Variants in PRPF39 observed in about 807,000 individuals in gnomAD.
PRPF39 encodes the protein pre-mRNA processing factor 39.
PRPF39 carries 27 observed loss-of-function variants against 82.1 expected under a neutral mutation model. The observed-to-expected ratio is 0.33, with a 90% CI of 0.24 to 0.45. PRPF39 has a LOEUF of 0.45. Ranked by LOEUF, PRPF39 falls within the 20% of genes least tolerant of loss-of-function variation. PRPF39 has a pLI of 1.00. For missense variants in PRPF39, 581 were observed against 796.9 expected (o/e 0.73, Z 3.26); for synonymous variants, 261 against 256.4 (o/e 1.02, Z -0.17).
chr14:45,084,180 G>C lies in PRPF39; in HGVS notation c.-89G>C, dbSNP rs2139026793. ...CTGTGCTGGCTGTGGGGACGGAGGC[G>C]GTGAAGTGCCATCTTCGGCTAGGTC... is the stretch of plus-strand genomic sequence containing the variant. On this transcript the variant is annotated 5_prime_UTR_variant, in exon 1 of 14. Coordinates refer to ENST00000355765, the MANE Select transcript of PRPF39 (RefSeq NM_017922.4). The C allele has an allele frequency of 6.5e-6, 1 of 153,524 alleles. No individual in the cohort carries two copies. The highest frequency in any genetic ancestry group is 1.9e-4 in the East Asian group (1 of 5,220). The allele number at this position is 153,524 out of a possible 1,614,324, so 9.5% of individuals were successfully genotyped here. A position where few individuals can be genotyped will look rare whatever the true frequency, so the allele number is the denominator to read the frequency against.
chr14:45,096,541 C>T (rs1032669749), intron 3 of PRPF39: 1 of 1,430,628 alleles, frequency 7.0e-7, no homozygotes, highest in African/African-American at 1.4e-5. Flanking sequence ...ATTTTCCAAA[C>T]AATATAGTTG....
chr14:45,112,227 C>T, intron 10 of PRPF39, 91 bp from the exon 11 acceptor site: 1 of 1,099,824 alleles, frequency 9.1e-7, no homozygotes. Flanking sequence ...AATATTTTTT[C>T]AAATTGAGAC....
At position 45,115,288 on chromosome 14, in the gene PRPF39, CTCCT is replaced by C. The variant is rs1468107246; in HGVS notation, c.*377_*380del. ...AAACACATAAGGGCTGGTTATTTAC[CTCCT>C]TTTTTTTTTTTTTTTTTAAAGAAAA... On this transcript the variant is annotated 3_prime_UTR_variant, in exon 14 of 14. Coordinates refer to ENST00000355765, the MANE Select transcript of PRPF39 (RefSeq NM_017922.4). The C allele has an allele frequency of 6.8e-6, 1 of 146,564 alleles. No individual in the cohort carries two copies. Among genetic ancestry groups the C allele is most frequent in the African/African-American group, 2.6e-5 (1 of 37,992 alleles). 9.1% of individuals were successfully genotyped at this position (146,564 alleles called of 1,614,324 possible).
chr14:45,107,716 G>A lies in PRPF39; in HGVS notation c.903+100G>A, dbSNP rs960500098. On this transcript the variant is annotated intron_variant, in intron 6 of 13. Coordinates refer to ENST00000355765, the MANE Select transcript of PRPF39 (RefSeq NM_017922.4). ...GGCCAAGGTAGGCGGGTCACCTGAG[G>A]TCCGGAGTTTGAGACCCATGTAGGC... is the stretch of plus-strand genomic sequence containing the variant. 8.0e-6 allele frequency: 10 copies of A among 1,242,760 alleles called. No homozygotes were observed. The African/African-American group carries it at 1.4e-4, about 17-fold the overall frequency. 77.0% of individuals were successfully genotyped at this position (1,242,760 alleles called of 1,614,324 possible).
intron 3 of PRPF39, 88 bp downstream of exon 3, chr14:45,096,316 T>G (rs76710671): frequency 2.1e-6 from 3 of 1,427,160 alleles, no homozygotes; most frequent in Non-Finnish European, 2.8e-6. Flanking sequence ...TTTTTTTTTT[T>G]GGCTGGCAGT....
Position 45,114,241 on chromosome 14 carries a change from A to C in PRPF39, c.1816A>C (p.Arg606=). The change falls in exon 12 of 14, where the codon AGG becomes CGG. Residue 606 remains arginine, a synonymous_variant. Coordinates refer to ENST00000355765, the MANE Select transcript of PRPF39 (RefSeq NM_017922.4). Reference sequence around the variant, plus strand: ...CCTGAAAGAACAGGATTCTTTAAAAAGGAAAGCAGAAAATGGGTATGTCAC... The same window carrying C: ...CCTGAAAGAACAGGATTCTTTAAAACGGAAAGCAGAAAATGGGTATGTCAC... The part of the protein sequence containing the change: ...TLLKEQDSLK[R]KAENGSEEPE... 1 of 1,599,838 alleles carries C rather than the reference A, an allele frequency of 6.3e-7. No homozygotes were observed. Among genetic ancestry groups the C allele is most frequent in the Non-Finnish European group, 8.5e-7 (1 of 1,169,590 alleles).
In PRPF39 at chr14:45,095,346, T is replaced by G; in HGVS notation, c.107T>G (p.Met36Arg). ...EHPTDFSTEI[M>R]NVTEMEQSPD... ...CCTACTGATTTCAGTACTGAGATTA[T>G]GAACGTTACAGAAATGGAACAGTCA... Residue 36 changes from methionine to arginine, a missense_variant, in exon 2 of 14, where the codon ATG becomes AGG. By Grantham distance (91) the Met-to-Arg change is moderately conservative (BLOSUM62 -1). Transcript: ENST00000355765. 6.2e-7 allele frequency: 1 copy of G among 1,613,696 alleles called. No homozygotes were observed. Among genetic ancestry groups the G allele is most frequent in the African/African-American group, 1.3e-5 (1 of 75,038 alleles).
intron 4 of PRPF39, among the ~76,000 whole-genome samples, chr14:45,102,264 T>C (rs577778311): frequency 4.9e-4 from 74 of 152,362 alleles, no homozygotes; most frequent in Non-Finnish European, 7.2e-4. Flanking sequence ...TACTCTTACC[T>C]ATTTGCAATG....
chr14:45,106,911 G>C (rs1239588413), intron 5 of PRPF39, among the ~76,000 whole-genome samples: 1 of 152,056 alleles, frequency 6.6e-6, no homozygotes, highest in African/African-American at 2.4e-5. Context: ...ATCTTAATTG[G>C]GCAGTTTCAT....
At chr14:45,090,054 AG>A (rs1235281489) in intron 1 of PRPF39, among the ~76,000 whole-genome samples, 1 of 152,250 alleles carries the variant, frequency 6.6e-6, no homozygotes, top group African/African-American at 2.4e-5. Context: ...AAATTAGAAT[AG>A]GGTAGCTAGT....
intron 2 of PRPF39, chr14:45,095,858 T>C (rs1308594676): frequency 6.4e-6 from 3 of 467,916 alleles, no homozygotes; most frequent in Admixed American, 8.0e-5. Context: ...CAATTGCGTT[T>C]AGAAGAAAAA....
intron 3 of PRPF39, 88 bp downstream of exon 3, chr14:45,096,316 T>TTTTG: frequency 1.4e-6 from 2 of 1,427,160 alleles, no homozygotes; most frequent in South Asian, 1.4e-5. Flanking sequence ...TTTTTTTTTT[T>TTTTG]GGCTGGCAGT....
Position 45,115,211 on chromosome 14 carries a change from G to A in PRPF39, c.*298G>A. The A allele has an allele frequency of 1.1e-5, 2 of 188,674 alleles. No homozygotes were observed. Among genetic ancestry groups the A allele is most frequent in the Non-Finnish European group, 2.2e-5 (2 of 91,402 alleles). The allele number at this position is 188,674 out of a possible 1,614,324, so 11.7% of individuals were successfully genotyped here. ...CAACAGAATTTTGTAGCCTTAAGGG[G>A]TAGGAAGAAAAACCTGACTGCAAAT... On this transcript the variant is annotated 3_prime_UTR_variant, in exon 14 of 14. Coordinates refer to ENST00000355765, the MANE Select transcript of PRPF39 (RefSeq NM_017922.4).
At chr14:45,086,850 T>TG (rs1555354372) in intron 1 of PRPF39, among the ~76,000 whole-genome samples, 1 of 148,674 alleles carries the variant, frequency 6.7e-6, no homozygotes, top group African/African-American at 2.5e-5. Context: ...TTCTCAGTTT[T>TG]TTTTTTTTTT....
intron 1 of PRPF39, among the ~76,000 whole-genome samples, chr14:45,093,223 A>ATTT (rs1448798425): frequency 6.9e-6 from 1 of 145,466 alleles, no homozygotes; most frequent in African/African-American, 2.8e-5. Flanking sequence ...ATTATATATG[A>ATTT]TTTATTTTTT....
chr14:45,114,709 G>A, intron 13 of PRPF39, 95 bp downstream of exon 13: 2 of 1,449,802 alleles, frequency 1.4e-6, no homozygotes, highest in South Asian at 2.7e-5. Context: ...TGTTCCAATT[G>A]TGTAATACAT....
intron 4 of PRPF39, among the ~76,000 whole-genome samples, chr14:45,100,040 C>G (rs1884325447): frequency 6.6e-6 from 1 of 152,020 alleles, no homozygotes; most frequent in Admixed American, 6.6e-5. Context: ...CCAGTCTGGC[C>G]AACATGGTGA....
At chr14:45,090,070 G>A (rs1883971866) in intron 1 of PRPF39, among the ~76,000 whole-genome samples, 1 of 152,202 alleles carries the variant, frequency 6.6e-6, no homozygotes, top group Non-Finnish European at 1.5e-5. Context: ...GCTAGTTAAT[G>A]ACTCAGAATG....
chr14:45,091,516 C>T (rs957595764), intron 1 of PRPF39, among the ~76,000 whole-genome samples: 7 of 152,240 alleles, frequency 4.6e-5, no homozygotes, highest in African/African-American at 1.4e-4. Context: ...AAGGGTCACA[C>T]ATAGACACAT....
Sources: gnomAD v4.1 joint callset for allele counts (sites outside exome capture counted in the v4.1 genomes callset) on GRCh38, gnomAD v4.1.1 for gene constraint, MANE v1.5 for transcripts, NCBI Gene and HGNC (gene_info 2026-07-23, HGNC 2026-07-21) for gene names.